LSAMP: variants seen among roughly 807,000 people sequenced by gnomAD.
LSAMP encodes limbic system associated membrane protein.
Under a neutral mutation model 38.6 loss-of-function variants are expected in LSAMP, and 7 were observed. That is an observed-to-expected ratio of 0.18 (90% confidence interval 0.10 to 0.34). The LOEUF (loss-of-function observed/expected upper bound fraction) is 0.34. LSAMP is among the 10% of genes least tolerant of loss of function. LSAMP has a pLI of 1.00. For synonymous variants in LSAMP, 154 were observed against 166.8 expected (o/e 0.92, Z 0.59); for missense variants, 313 against 420.0 (o/e 0.75, Z 2.23).
chr3:115,953,365 G>C (rs1304328508), intron 3 of LSAMP, among the ~76,000 whole-genome samples: 2 of 150,082 alleles, frequency 1.3e-5, no homozygotes, highest in Non-Finnish European at 3.0e-5. Flanking sequence ...ACTGATTAGT[G>C]AAACAAATTT....
rs992975330 is a variant in LSAMP, at chr3:116,148,407, T to G, written c.156-61851A>C. 3.4e-4 allele frequency among the ~76,000 whole-genome samples: 52 copies of G among 151,940 alleles called. 2 individuals carry two copies. The highest frequency in any genetic ancestry group is 3.3e-3 in the Admixed American group (50 of 15,218). ...CTCAAATCAGCAGAGTGAGAGGCAA[T>G]ACAAGAAATTTGTCTTTGTTTTCCT... On this transcript the variant is annotated intron_variant, in intron 1 of 6. Transcript: ENST00000490035.
chr3:116,264,294 A>T (rs1259865772), intron 1 of LSAMP, among the ~76,000 whole-genome samples: 1 of 152,172 alleles, frequency 6.6e-6, no homozygotes, highest in East Asian at 1.9e-4. Context: ...TACATTCTTA[A>T]TCTGGACTTT....
intron 3 of LSAMP, among the ~76,000 whole-genome samples, chr3:115,967,166 C>A (rs1938844511): frequency 1.3e-5 from 2 of 152,168 alleles, no homozygotes; most frequent in South Asian, 4.1e-4. Flanking sequence ...TAACAGCACC[C>A]AAGTCACCTC....
At chr3:116,354,415 C>T (rs556363037) in intron 1 of LSAMP, among the ~76,000 whole-genome samples, 12 of 152,280 alleles carry the variant, frequency 7.9e-5, no homozygotes, top group African/African-American at 2.6e-4. Context: ...ACTGTCTCTA[C>T]TGCTATTGGA....
At chr3:116,004,522 G>GTGTA (rs1553758548) in intron 3 of LSAMP, among the ~76,000 whole-genome samples, 27 of 145,050 alleles carry the variant, frequency 1.9e-4, no homozygotes, top group Non-Finnish European at 2.6e-4. Context: ...ATATATATGT[G>GTGTA]TATATATATA....
At chr3:116,145,547 G>A (rs7650268) in intron 1 of LSAMP, among the ~76,000 whole-genome samples, 5,935 of 151,852 alleles carry the variant, frequency 0.039, 148 homozygotes, top group Non-Finnish European at 0.059. Context: ...GAGGTCCAAG[G>A]GTGATCTATT....
In LSAMP at chr3:116,283,050, C is replaced by A. The variant is rs890959217; in HGVS notation, c.155+161827G>T. On this transcript the variant is annotated intron_variant, in intron 1 of 6. Coordinates refer to ENST00000490035, the MANE Select transcript of LSAMP (RefSeq NM_002338.5). ...CCTTCTATAAGCATCTCCCTGCTCTCCCACCTATGACAGGAGGGTAGTACT... is the reference window on the plus strand; with the variant it reads ...CCTTCTATAAGCATCTCCCTGCTCTACCACCTATGACAGGAGGGTAGTACT... Among the ~76,000 whole-genome samples, 22 of 152,078 alleles carry A rather than the reference C, an allele frequency of 1.4e-4. 1 individual carries two copies. The highest frequency in any genetic ancestry group is 1.4e-3 in the Admixed American group (22 of 15,258).
At chr3:115,844,261 C>G (rs148891287) in intron 4 of LSAMP, among the ~76,000 whole-genome samples, 6 of 152,262 alleles carry the variant, frequency 3.9e-5, no homozygotes, top group Admixed American at 3.9e-4. Context: ...TCTTAAATTG[C>G]TAACTTTCCA....
At chr3:116,218,088 A>T (rs938123157) in intron 1 of LSAMP, among the ~76,000 whole-genome samples, 6 of 152,208 alleles carry the variant, frequency 3.9e-5, no homozygotes, top group Admixed American at 3.3e-4. Flanking sequence ...CTTGGTACTC[A>T]GGAATGAAAG....
intron 1 of LSAMP, among the ~76,000 whole-genome samples, chr3:116,204,803 A>G (rs969091646): frequency 6.0e-5 from 9 of 149,474 alleles, no homozygotes; most frequent in Non-Finnish European, 7.5e-5. Flanking sequence ...TGGTTACTGT[A>G]GCCTTGTAGT....
chr3:116,090,401 C>G (rs1708094290), intron 1 of LSAMP, among the ~76,000 whole-genome samples: 1 of 152,118 alleles, frequency 6.6e-6, no homozygotes, highest in African/African-American at 2.4e-5. Flanking sequence ...TTCACTGAAT[C>G]ACCAATAAGC....
intron 1 of LSAMP, among the ~76,000 whole-genome samples, chr3:116,369,649 C>G (rs1313779207): frequency 1.3e-5 from 2 of 152,158 alleles, no homozygotes; most frequent in African/African-American, 2.4e-5. Context: ...ATGTTATTGA[C>G]TGGAATTACG....
intron 1 of LSAMP, among the ~76,000 whole-genome samples, chr3:116,376,365 C>A (rs1268360813): frequency 6.6e-6 from 1 of 151,924 alleles, no homozygotes. Context: ...ATTACAATAA[C>A]AAAATATTTT....
At chr3:116,246,308 T>C (rs1019397647) in intron 1 of LSAMP, among the ~76,000 whole-genome samples, 1 of 152,140 alleles carries the variant, frequency 6.6e-6, no homozygotes, top group Non-Finnish European at 1.5e-5. Flanking sequence ...ATTGCCAGAA[T>C]ACATTTATGG....
At chr3:115,968,519 G>A (rs56795098) in intron 3 of LSAMP, among the ~76,000 whole-genome samples, 2,413 of 152,142 alleles carry the variant, frequency 0.016, 48 homozygotes, top group African/African-American at 0.053. Flanking sequence ...TGGGGACCTC[G>A]GAACTCTACC....
intron 3 of LSAMP, among the ~76,000 whole-genome samples, chr3:116,004,029 T>C (rs917328550): frequency 2.6e-5 from 4 of 152,188 alleles, no homozygotes; most frequent in Admixed American, 2.0e-4. Flanking sequence ...CAAACATTAC[T>C]GAGAAAAACT....
chr3:116,408,146 C>A (rs935703898), intron 1 of LSAMP, among the ~76,000 whole-genome samples: 2 of 151,946 alleles, frequency 1.3e-5, no homozygotes, highest in Non-Finnish European at 2.9e-5. Flanking sequence ...TTAATGTTTT[C>A]CATCTTTACA....
intron 1 of LSAMP, among the ~76,000 whole-genome samples, chr3:116,156,339 C>T (rs1428656025): frequency 1.3e-5 from 2 of 152,048 alleles, no homozygotes; most frequent in African/African-American, 4.8e-5. Flanking sequence ...ACATAAAATC[C>T]TTCTAATTTG....
intron 3 of LSAMP, among the ~76,000 whole-genome samples, chr3:115,877,865 A>C (rs1936223647): frequency 6.6e-6 from 1 of 152,098 alleles, no homozygotes; most frequent in Admixed American, 6.6e-5. Context: ...ATTTTTTAAA[A>C]TGTGGTTCCC....
Sources: allele counts gnomAD v4.1 joint callset (sites outside exome capture counted in the v4.1 genomes callset), GRCh38; gene constraint gnomAD v4.1.1; transcripts MANE v1.5; gene names NCBI Gene and HGNC (gene_info 2026-07-23, HGNC 2026-07-21).